Variants in RNF175 observed in about 807,000 individuals in gnomAD.
The protein encoded by RNF175 is ring finger protein 175.
RNF175 carries 38 observed loss-of-function variants against 50.0 expected under a neutral mutation model. The ratio of observed to expected loss-of-function variants is 0.76; its 90% CI spans 0.59 to 1.00. RNF175 has a LOEUF of 1.00. RNF175 is among the 50% of genes least tolerant of loss of function. RNF175 has a pLI of 0.00. For synonymous variants in RNF175, 155 were observed against 146.1 expected, an observed-to-expected ratio of 1.06 and a Z score of -0.44; for missense variants, 388 against 409.6, an observed-to-expected ratio of 0.95 and a Z score of 0.46.
chr4:153,749,713 G>A, intron 2 of RNF175, among the ~76,000 whole-genome samples: 1 of 152,070 alleles, frequency 6.6e-6, no homozygotes, highest in East Asian at 1.9e-4. Flanking sequence ...AGGAAACACT[G>A]GGAAGCTTTA....
chr4:153,748,514 G>T, intron 3 of RNF175, 131 bp downstream of exon 3: 1 of 714,380 alleles, frequency 1.4e-6, no homozygotes, highest in Non-Finnish European at 2.1e-6. Context: ...AATTGCACTT[G>T]GTTGAGAACC....
At chr4:153,712,758 C>G (rs112489366) in intron 7 of RNF175, among the ~76,000 whole-genome samples, 182 bp from the exon 8 acceptor site, 8 of 152,250 alleles carry the variant, frequency 5.3e-5, no homozygotes, top group African/African-American at 1.7e-4. Flanking sequence ...TCACAGCTGC[C>G]TTCGCTTTAT....
chr4:153,734,860 T>G (rs181725255), intron 3 of RNF175, among the ~76,000 whole-genome samples: 1 of 151,944 alleles, frequency 6.6e-6, no homozygotes, highest in East Asian at 1.9e-4. Flanking sequence ...TATTTTTTAG[T>G]AGAGACGGGG....
intron 4 of RNF175, 98 bp downstream of exon 4, chr4:153,728,109 A>AC (rs200881252): frequency 6.0e-5 from 47 of 784,874 alleles, no homozygotes; most frequent in East Asian, 1.2e-4. Context: ...AAGAAATGTA[A>AC]CCCCCCCACT....
chr4:153,754,678 A>C (rs1740476537), intron 1 of RNF175, among the ~76,000 whole-genome samples: 1 of 152,244 alleles, frequency 6.6e-6, no homozygotes, highest in African/African-American at 2.4e-5. Flanking sequence ...TCCTAAATCC[A>C]ATGCCTAGTG....
intron 8 of RNF175, among the ~76,000 whole-genome samples, chr4:153,710,944 C>A (rs910287784): frequency 3.3e-5 from 5 of 152,190 alleles, no homozygotes; most frequent in African/African-American, 1.2e-4. Context: ...CTTTGATAAA[C>A]TGTGCTAGGG....
rs749052926 is a variant in RNF175, at chr4:153,715,603, A to G, written c.690T>C (p.Cys230=). ...CAAGCTCCACAATGATCTTCTGCCC[A>G]CAGACTGCACAGATATTGTCCGATA... ...RSLSDNICAV[C]GQKIIVELDE... is the part of the protein sequence containing the mutation. Residue 230 remains cysteine, a synonymous_variant, in exon 7 of 9, where the codon TGT becomes TGC. Transcript: ENST00000347063. 2 of 1,613,796 alleles carry G rather than the reference A, an allele frequency of 1.2e-6. No homozygotes were observed. Among genetic ancestry groups the G allele is most frequent in the East Asian group, 4.5e-5 (2 of 44,892 alleles).
intron 3 of RNF175, among the ~76,000 whole-genome samples, chr4:153,734,448 G>GCTC (rs1386235438): frequency 6.6e-6 from 1 of 151,896 alleles, no homozygotes; most frequent in East Asian, 1.9e-4. Flanking sequence ...GAGATGATGA[G>GCTC]CTCCTTTTCA....
At chr4:153,721,888 A>G (rs984025606) in intron 5 of RNF175, among the ~76,000 whole-genome samples, 1 of 152,210 alleles carries the variant, frequency 6.6e-6, no homozygotes, top group Non-Finnish European at 1.5e-5. Context: ...CCTAGCAATA[A>G]TAGATTTGTA....
intron 3 of RNF175, among the ~76,000 whole-genome samples, chr4:153,746,640 T>G (rs1739991500): frequency 6.6e-6 from 1 of 151,420 alleles, no homozygotes; most frequent in Non-Finnish European, 1.5e-5. Flanking sequence ...TAGGCTGGAG[T>G]TGCATGCTGG....
intron 3 of RNF175, among the ~76,000 whole-genome samples, chr4:153,738,350 A>ATTTTTTTTTTTT (rs372942042): frequency 6.9e-6 from 1 of 145,492 alleles, no homozygotes; most frequent in Non-Finnish European, 1.5e-5. Context: ...CATCTGGCTA[A>ATTTTTTTTTTTT]TTTTTTTTTT....
intron 4 of RNF175, among the ~76,000 whole-genome samples, chr4:153,726,027 C>T (rs1017560755): frequency 2.0e-5 from 3 of 152,070 alleles, no homozygotes; most frequent in African/African-American, 4.8e-5. Flanking sequence ...TGGCCTTGGG[C>T]TGGATTCAAT....
chr4:153,759,683 C>T, intron 1 of RNF175, 114 bp downstream of exon 1: 1 of 642,678 alleles, frequency 1.6e-6, no homozygotes, highest in Non-Finnish European at 2.4e-6. Context: ...AGGGCCGGTT[C>T]TCCCCGGTGG....
chr4:153,728,199 A>G lies in RNF175; in HGVS notation c.401+8T>C, dbSNP rs748866240. The G allele has an allele frequency of 5.6e-6, 9 of 1,606,352 alleles. No individual in the cohort carries two copies. Among genetic ancestry groups the G allele is most frequent in the Admixed American group, 1.7e-5 (1 of 59,052 alleles). On this transcript the variant is annotated splice_region_variant and intron_variant, in intron 4 of 8. Coordinates refer to ENST00000347063, the MANE Select transcript of RNF175 (RefSeq NM_173662.4). Reference sequence around the variant, plus strand: ...GGCTCCTGGGGAAGGAATGTATGGAATACATACCGTGGTGTCCTTCCTGAG... The same window carrying G: ...GGCTCCTGGGGAAGGAATGTATGGAGTACATACCGTGGTGTCCTTCCTGAG...
At chr4:153,744,018 C>G (rs1186022498) in intron 3 of RNF175, among the ~76,000 whole-genome samples, 1 of 152,126 alleles carries the variant, frequency 6.6e-6, no homozygotes, top group Non-Finnish European at 1.5e-5. Context: ...TGTGTAAGTG[C>G]CACACTTACA....
chr4:153,712,397 C>A (rs1737642689), intron 8 of RNF175, 78 bp downstream of exon 8: 2 of 987,542 alleles, frequency 2.0e-6, no homozygotes, highest in Admixed American at 4.4e-5. Context: ...TACAAAAACA[C>A]TGAAACTTTT....
In RNF175 at chr4:153,720,105, A is replaced by C. The variant is rs1738236194; in HGVS notation, c.630+79T>G. On this transcript the variant is annotated intron_variant, in intron 6 of 8. Transcript: ENST00000347063. ...ATGGAGAAAGACTTATTTGTTTCTG[A>C]AAATGGATGCAGACATGTAAGATGA... The C allele has an allele frequency of 2.0e-6, 3 of 1,471,660 alleles. No individual in the cohort carries two copies. In the East Asian group the frequency reaches 6.8e-5, roughly 34 times the overall value. 91.2% of individuals were successfully genotyped at this position (1,471,660 alleles called of 1,614,324 possible). A position where few individuals can be genotyped will look rare whatever the true frequency, so the allele number is the denominator to read the frequency against.
At chr4:153,752,198 T>TG (rs1442241573) in intron 1 of RNF175, among the ~76,000 whole-genome samples, 12 of 152,208 alleles carry the variant, frequency 7.9e-5, no homozygotes, top group African/African-American at 2.9e-4. Flanking sequence ...GACGTAATCG[T>TG]GTAACTTTGG....
At chr4:153,735,227 A>ATTTTT (rs3068858) in intron 3 of RNF175, among the ~76,000 whole-genome samples, 6 of 141,082 alleles carry the variant, frequency 4.3e-5, no homozygotes, top group Admixed American at 1.4e-4. Flanking sequence ...GTCTGTGTCT[A>ATTTTT]TTTTTTTTTT....
Sources: gnomAD v4.1 joint callset for allele counts (sites outside exome capture counted in the v4.1 genomes callset) on GRCh38, gnomAD v4.1.1 for gene constraint, MANE v1.5 for transcripts, NCBI Gene and HGNC (gene_info 2026-07-23, HGNC 2026-07-21) for gene names.